IMMP2L: variants seen among roughly 807,000 people sequenced by gnomAD.
IMMP2L encodes the protein inner mitochondrial membrane peptidase subunit 2.
Under a neutral mutation model 19.3 loss-of-function variants are expected in IMMP2L, and 18 were observed. That is an observed-to-expected ratio of 0.93 (90% CI 0.64 to 1.38). IMMP2L has a LOEUF of 1.38. Among genes scored for constraint, IMMP2L ranks in the 40% most tolerant of loss-of-function variants. The pLI is 0.00. For synonymous variants in IMMP2L, 76 were observed against 73.0 expected, an observed-to-expected ratio of 1.04 and a Z score of -0.21; for missense variants, 233 against 218.2, an observed-to-expected ratio of 1.07 and a Z score of -0.43.
chr7:111,298,864 T>C (rs1462663160), intron 3 of IMMP2L, among the ~76,000 whole-genome samples: 1 of 151,720 alleles, frequency 6.6e-6, no homozygotes. Context: ...TTTACATACA[T>C]ATTCAATGCA....
At chr7:111,472,836 C>G (rs913706245) in intron 3 of IMMP2L, among the ~76,000 whole-genome samples, 1 of 151,978 alleles carries the variant, frequency 6.6e-6, no homozygotes, top group African/African-American at 2.4e-5. Flanking sequence ...TGGCTCATGC[C>G]TGTAATCCCA....
At chr7:111,406,389 T>C (rs1833903189) in intron 3 of IMMP2L, among the ~76,000 whole-genome samples, 1 of 152,128 alleles carries the variant, frequency 6.6e-6, no homozygotes, top group African/African-American at 2.4e-5. Flanking sequence ...TGGACTATTG[T>C]AGTAGCCTCC....
chr7:111,386,047 A>AT (rs1219004864), intron 3 of IMMP2L, among the ~76,000 whole-genome samples: 75 of 146,274 alleles, frequency 5.1e-4, no homozygotes, highest in African/African-American at 9.7e-4. Context: ...CTCCCAGCTA[A>AT]TTTTTTTTTT....
rs1263382734 is a variant in IMMP2L at position 111,356,665 on chromosome 7, A to C, written c.239+130573T>G. Reference sequence around the variant, plus strand: ...AAAGTTAACTTTCCAGATAAACTGAAATAAAACTGGTTTTTAAAAAAAGAA... The same window carrying C: ...AAAGTTAACTTTCCAGATAAACTGACATAAAACTGGTTTTTAAAAAAAGAA... On this transcript the variant is annotated intron_variant, in intron 3 of 5. Coordinates refer to ENST00000405709, the MANE Select transcript of IMMP2L (RefSeq NM_032549.4). 2.0e-5 allele frequency among the ~76,000 whole-genome samples: 3 copies of C among 152,162 alleles called. No homozygotes were observed. In the East Asian group the frequency reaches 5.8e-4, roughly 29 times the overall value.
chr7:111,235,734 AT>A (rs1274382324), intron 3 of IMMP2L, among the ~76,000 whole-genome samples: 2 of 151,228 alleles, frequency 1.3e-5, no homozygotes, highest in Non-Finnish European at 2.9e-5. Flanking sequence ...GTTTTTATCA[AT>A]TTTCTTTCCC....
chr7:111,123,838 T>A lies in IMMP2L; in HGVS notation c.240-160273A>T. 1 of 1,613,872 alleles carries A rather than the reference T, an allele frequency of 6.2e-7. No individual in the cohort carries two copies. Among genetic ancestry groups the A allele is most frequent in the Non-Finnish European group, 8.5e-7 (1 of 1,179,924 alleles). On this transcript the variant is annotated intron_variant, in intron 3 of 5. Transcript: ENST00000405709. This position sits in a 1 kb window ranked among gnomAD's most constrained non-coding sequence, Gnocchi z 6.4. ...TGCCCTGTACCATGGTACCATTGAG[T>A]CTCTGCCAAACCTCAAGGAAATCAG...
At chr7:111,214,204 GT>G (rs1257297607) in intron 3 of IMMP2L, among the ~76,000 whole-genome samples, 4 of 151,614 alleles carry the variant, frequency 2.6e-5, no homozygotes, top group Non-Finnish European at 5.9e-5. Context: ...CAAATTTCAT[GT>G]TTATATCTTA....
intron 5 of IMMP2L, among the ~76,000 whole-genome samples, chr7:110,692,310 T>TA (rs977364537): frequency 6.6e-6 from 1 of 152,078 alleles, no homozygotes; most frequent in African/African-American, 2.4e-5. Context: ...CAAAGGCATA[T>TA]AGAGTGGTAT....
chr7:111,337,451 A>AGGATGGAT lies in IMMP2L; in HGVS notation c.239+149779_239+149786dup, dbSNP rs140122085. 3.3e-3 allele frequency among the ~76,000 whole-genome samples: 494 copies of AGGATGGAT among 148,878 alleles called. 4 individuals carry two copies. The highest frequency in any genetic ancestry group is 8.3e-3 in the East Asian group (41 of 4,968). ...GTATTAATTAAGTTATTTGGATGGA[A>AGGATGGAT]GGATGGATGGATGGATGGATGGATG... On this transcript the variant is annotated intron_variant, in intron 3 of 5. Transcript: ENST00000405709.
intron 3 of IMMP2L, among the ~76,000 whole-genome samples, chr7:111,043,502 A>T (rs1792091776): frequency 6.6e-6 from 1 of 152,342 alleles, no homozygotes; most frequent in African/African-American, 2.4e-5. Flanking sequence ...TCAGTCTTGC[A>T]CAGTTTTATC....
chr7:110,770,569 ATG>A (rs1798967669), intron 5 of IMMP2L, among the ~76,000 whole-genome samples: 1 of 152,130 alleles, frequency 6.6e-6, no homozygotes, highest in Non-Finnish European at 1.5e-5. Context: ...AATCCTTTTG[ATG>A]TGTTTCATGG....
Position 110,854,937 on chromosome 7 carries a change from G to A in IMMP2L, c.408+31656C>T, listed in dbSNP as rs775594702. Among the ~76,000 whole-genome samples the A allele has an allele frequency of 8.0e-4, 121 of 151,798 alleles. 1 individual carries two copies. The highest frequency in any genetic ancestry group is 7.2e-4 in the Non-Finnish European group (49 of 67,884). ...TTGAATAAAGAGAAATGAAAATAAA[G>A]CTTCTAGATCCGTCTTTCCTTCTAG... On this transcript the variant is annotated intron_variant, in intron 5 of 5. Coordinates refer to ENST00000405709, the MANE Select transcript of IMMP2L (RefSeq NM_032549.4).
intron 5 of IMMP2L, among the ~76,000 whole-genome samples, chr7:110,816,985 A>G: frequency 6.6e-6 from 1 of 152,210 alleles, no homozygotes; most frequent in East Asian, 1.9e-4. Context: ...TAATATTGTT[A>G]TGTGTGACTT....
At chr7:111,514,667 T>G (rs1845729771) in intron 2 of IMMP2L, among the ~76,000 whole-genome samples, 1 of 152,128 alleles carries the variant, frequency 6.6e-6, no homozygotes, top group South Asian at 2.1e-4. Flanking sequence ...TTTTAAAAAG[T>G]AGATGGACTG....
chr7:110,793,548 A>G (rs1188141085), intron 5 of IMMP2L, among the ~76,000 whole-genome samples: 1 of 152,274 alleles, frequency 6.6e-6, no homozygotes, highest in Non-Finnish European at 1.5e-5. Context: ...AATTTGAACT[A>G]AAAGAAATCA....
In IMMP2L at chr7:110,714,100, C is replaced by G. The variant is rs577994157; in HGVS notation, c.409-50379G>C. 9.2e-5 allele frequency among the ~76,000 whole-genome samples: 14 copies of G among 152,174 alleles called. No homozygotes were observed. In the South Asian group the frequency reaches 2.9e-3, roughly 32 times the overall value. On this transcript the variant is annotated intron_variant, in intron 5 of 5. Transcript: ENST00000405709. ...GCTCATATTATTTTGATGTATTTTC[C>G]TTTAATGCCTAGTTTCTTCAGGGTT...
At chr7:111,333,221 A>C (rs1196530806) in intron 3 of IMMP2L, among the ~76,000 whole-genome samples, 1 of 152,166 alleles carries the variant, frequency 6.6e-6, no homozygotes, top group African/African-American at 2.4e-5. Flanking sequence ...TGTAATTGTA[A>C]TGAGTATTTC....
At chr7:110,666,022 C>A (rs1194694062) in intron 5 of IMMP2L, among the ~76,000 whole-genome samples, 1 of 152,008 alleles carries the variant, frequency 6.6e-6, no homozygotes, top group East Asian at 1.9e-4. Context: ...CCCTAACTGC[C>A]TCTATTGTAA....
chr7:111,222,975 A>T (rs1262273816), intron 3 of IMMP2L, among the ~76,000 whole-genome samples: 1 of 151,986 alleles, frequency 6.6e-6, no homozygotes, highest in African/African-American at 2.4e-5. Context: ...TCACTAAAAA[A>T]TACTACACAT....
Sources: allele counts gnomAD v4.1 joint callset (sites outside exome capture counted in the v4.1 genomes callset), GRCh38; gene constraint gnomAD v4.1.1; non-coding constraint Gnocchi (gnomAD v3.1); transcripts MANE v1.5; gene names NCBI Gene and HGNC (gene_info 2026-07-23, HGNC 2026-07-21).